The following ACYP2 variants were observed in gnomAD, a reference collection of about 807,000 sequenced individuals.
The protein encoded by ACYP2 is acylphosphatase 2.
ACYP2 carries 12 observed loss-of-function variants against 11.2 expected under a neutral mutation model. The ratio of observed to expected loss-of-function variants is 1.08; its 90% CI spans 0.69 to 1.74. ACYP2 has a LOEUF of 1.74. ACYP2 is among the 40% of genes most tolerant of loss of function. The pLI, the probability that ACYP2 is intolerant of heterozygous loss-of-function variation, is 0.00. For missense variants in ACYP2, 134 were observed against 101.9 expected (o/e 1.31, Z -1.35); for synonymous variants, 43 against 32.2 (o/e 1.33, Z -1.13).
chr2:54,033,198 ATTTT>A (rs11284749), intron 2 of ACYP2, among the ~76,000 whole-genome samples: 1 of 141,482 alleles, frequency 7.1e-6, no homozygotes, highest in Admixed American at 7.1e-5. Context: ...CCTGTGGGCA[ATTTT>A]TTTTTTTTTT....
chr2:53,996,944 A>G (rs1032306560), intron 2 of ACYP2, among the ~76,000 whole-genome samples: 3 of 152,204 alleles, frequency 2.0e-5, no homozygotes, highest in Non-Finnish European at 2.9e-5. Context: ...TATGTACAAA[A>G]TAAAGCCCAG....
In ACYP2 at chr2:54,214,698, G is replaced by GT. The variant is rs543953022; in HGVS notation, c.404+75955dup. ...TGATGTCTCTGGATTTGCTTTTTCT[G>GT]TTTTTGTTTTCTGCTTAGGATTGCT... On this transcript the variant is annotated intron_variant, in intron 6 of 6. Coordinates refer to ENST00000607452, the MANE Select transcript of ACYP2 (RefSeq NM_001320586.2). 4.9e-3 allele frequency among the ~76,000 whole-genome samples: 739 copies of GT among 152,050 alleles called. 12 individuals are homozygous for GT. The highest frequency in any genetic ancestry group is 0.017 in the African/African-American group (703 of 41,514).
At chr2:54,074,845 A>G (rs111577136) in intron 4 of ACYP2, among the ~76,000 whole-genome samples, 1 of 152,108 alleles carries the variant, frequency 6.6e-6, no homozygotes, top group African/African-American at 2.4e-5. Flanking sequence ...CAGGCCTTCA[A>G]ATGATTGGAT....
chr2:53,971,830 TGA>T (rs1671142871), intron 1 of ACYP2, among the ~76,000 whole-genome samples: 1 of 152,218 alleles, frequency 6.6e-6, no homozygotes, highest in African/African-American at 2.4e-5. Flanking sequence ...GTATTTCAGC[TGA>T]GAGAACAGCT....
intron 6 of ACYP2, among the ~76,000 whole-genome samples, chr2:54,226,657 C>G (rs539987749): frequency 2.3e-4 from 35 of 152,256 alleles, no homozygotes; most frequent in Admixed American, 8.5e-4. Flanking sequence ...GAGGTCAGCC[C>G]TGGGAATGGA....
chr2:54,036,518 TA>T (rs1674913249), intron 2 of ACYP2, among the ~76,000 whole-genome samples: 1 of 152,238 alleles, frequency 6.6e-6, no homozygotes. Flanking sequence ...TCTTCATTCT[TA>T]CTACTGAGCA....
At chr2:54,155,429 C>A (rs1682385564) in intron 6 of ACYP2, among the ~76,000 whole-genome samples, 3 of 152,158 alleles carry the variant, frequency 2.0e-5, no homozygotes, top group Admixed American at 6.5e-5. Context: ...GGGTCCCCAA[C>A]CCTTGTGACC....
chr2:54,085,921 C>T lies in ACYP2; in HGVS notation c.277+28561C>T, dbSNP rs76914416. ...ATGTATAGCCTCTGACCTCTGGTGA[C>T]TCTAAAAGTTTCTTTGAGTCACTTT... On this transcript the variant is annotated intron_variant, in intron 4 of 6. Transcript: ENST00000607452. 9.7e-3 allele frequency among the ~76,000 whole-genome samples: 1,478 copies of T among 152,158 alleles called. 10 individuals are homozygous for T. The highest frequency in any genetic ancestry group is 0.014 in the Non-Finnish European group (932 of 68,014).
intron 2 of ACYP2, among the ~76,000 whole-genome samples, chr2:53,993,045 A>C (rs1458424486): frequency 1.3e-5 from 2 of 152,112 alleles, no homozygotes; most frequent in African/African-American, 4.8e-5. Context: ...GTTTCTACCC[A>C]AAATACAAAA....
chr2:54,111,871 C>T (rs1679478860), intron 4 of ACYP2, among the ~76,000 whole-genome samples: 1 of 152,172 alleles, frequency 6.6e-6, no homozygotes, highest in Admixed American at 6.5e-5. Flanking sequence ...TGAGAAATAA[C>T]TCTAGCAATC....
chr2:54,057,769 A>C (rs1256155659), intron 4 of ACYP2, among the ~76,000 whole-genome samples: 2 of 152,106 alleles, frequency 1.3e-5, no homozygotes, highest in East Asian at 1.9e-4. Context: ...TTGTAAGGTG[A>C]ATGTGGGAAT....
At chr2:54,259,360 A>G (rs941857883) in intron 6 of ACYP2, among the ~76,000 whole-genome samples, 1 of 152,222 alleles carries the variant, frequency 6.6e-6, no homozygotes, top group Non-Finnish European at 1.5e-5. Context: ...TTTAAAGTCA[A>G]AGGGTTGGAT....
At chr2:54,284,168 A>G (rs979997104) in intron 6 of ACYP2, among the ~76,000 whole-genome samples, 3 of 152,254 alleles carry the variant, frequency 2.0e-5, no homozygotes, top group African/African-American at 4.8e-5. Flanking sequence ...AAAAAATCAT[A>G]TAATTAAAAG....
At chr2:53,989,684 A>G (rs761380371) in intron 2 of ACYP2, among the ~76,000 whole-genome samples, 1 of 152,130 alleles carries the variant, frequency 6.6e-6, no homozygotes, top group Admixed American at 6.6e-5. Context: ...TTTAGCCACT[A>G]TGTACTTTGT....
At chr2:54,104,366 C>G (rs1483727415) in intron 4 of ACYP2, among the ~76,000 whole-genome samples, 1 of 152,078 alleles carries the variant, frequency 6.6e-6, no homozygotes, top group East Asian at 1.9e-4. Flanking sequence ...CCACTATGTA[C>G]CTTTGGTATT....
chr2:54,177,072 A>G (rs890212082), intron 6 of ACYP2, among the ~76,000 whole-genome samples: 4 of 152,184 alleles, frequency 2.6e-5, no homozygotes, highest in Admixed American at 1.3e-4. Context: ...TTGGGATTAT[A>G]ATACTTTGTT....
At chr2:54,099,516 G>A (rs1401243686) in intron 4 of ACYP2, among the ~76,000 whole-genome samples, 1 of 152,100 alleles carries the variant, frequency 6.6e-6, no homozygotes, top group East Asian at 1.9e-4. Context: ...TTCCACATAT[G>A]GGTGAGATCA....
intron 6 of ACYP2, among the ~76,000 whole-genome samples, chr2:54,230,933 C>T (rs896797361): frequency 2.0e-5 from 3 of 150,090 alleles, no homozygotes; most frequent in Admixed American, 6.7e-5. Flanking sequence ...CGGATTCAAG[C>T]GATTCTCTTG....
intron 4 of ACYP2, 72 bp from the exon 2 acceptor site, chr2:54,135,381 G>A (rs907722667): frequency 1.3e-5 from 19 of 1,467,352 alleles, no homozygotes; most frequent in Admixed American, 3.8e-5. Flanking sequence ...CTAGATAAAA[G>A]TTAAGTCAGG....
Sources: gnomAD v4.1 joint callset for allele counts (sites outside exome capture counted in the v4.1 genomes callset) on GRCh38, gnomAD v4.1.1 for gene constraint, MANE v1.5 for transcripts, NCBI Gene and HGNC (gene_info 2026-07-23, HGNC 2026-07-21) for gene names.